Variants in ZNF285 observed in about 807,000 individuals in gnomAD.
ZNF285 encodes zinc finger protein 285.
In ZNF285, 4 loss-of-function variants were observed where a neutral mutation model predicts 6.2. The observed-to-expected ratio is 0.65, with a 90% CI of 0.32 to 1.49. The LOEUF is 1.49. Ranked by LOEUF, ZNF285 falls within the 40% of genes most tolerant of loss-of-function variation. ZNF285 has a pLI of 0.07. For synonymous variants in ZNF285, 240 were observed against 245.8 expected, an observed-to-expected ratio of 0.98 and a Z score of 0.22; for missense variants, 695 against 708.8, an observed-to-expected ratio of 0.98 and a Z score of 0.22.
chr19:44,387,223 T>C lies in ZNF285; in HGVS notation c.1022A>G (p.Glu341Gly). The C allele has an allele frequency of 6.2e-7, 1 of 1,614,142 alleles. No individual in the cohort carries two copies. Among genetic ancestry groups the C allele is most frequent in the East Asian group, 2.2e-5 (1 of 44,878 alleles). Residue 341 changes from glutamate to glycine, a missense_variant, in exon 4 of 4, where the codon GAG (glutamate) becomes GGG (glycine). Glu to Gly is a moderately conservative substitution (Grantham distance 98). Transcript: ENST00000614994. ...ACATTCATCGCATTTGTAGGGCATC[T>C]CCCCTGTGTGGACTCGATGATGGTT... is the stretch of plus-strand genomic sequence containing the variant. ...LHNHHRVHTG[E>G]MPYKCDECGK...
Position 44,386,891 on chromosome 19 carries a change from C to T in ZNF285, c.1354G>A (p.Gly452Arg). The T allele has an allele frequency of 1.2e-6, 2 of 1,614,104 alleles. No homozygotes were observed. Among genetic ancestry groups the T allele is most frequent in the Middle Eastern group, 1.6e-4 (1 of 6,062 alleles). The change falls in exon 4 of 4, where the codon GGG becomes AGG. Residue 452 changes from glycine (G) to arginine (R), a missense_variant. Gly to Arg is a moderately radical substitution (Grantham distance 125, BLOSUM62 -2). Coordinates refer to ENST00000614994, the MANE Select transcript of ZNF285 (RefSeq NM_152354.6). ...ACATTGCATTTGTATGGTTTCTCCC[C>T]TGTGTGGACTCTCTGGTGAATGTGA... is the stretch of plus-strand genomic sequence containing the variant. ...HLHIHQRVHT[G>R]EKPYKCNVCG... is the part of the protein sequence containing the mutation.
chr19:44,386,161 A>G lies in ZNF285; in HGVS notation c.*311T>C. 3.8e-6 allele frequency: 1 copy of G among 261,742 alleles called. No homozygotes were observed. The highest frequency in any genetic ancestry group is 7.3e-6 in the Non-Finnish European group (1 of 136,816). 16.2% of individuals were successfully genotyped at this position (261,742 alleles called of 1,614,324 possible). The stretch of plus-strand genomic sequence containing the variant: ...CTGAAGACCTTACCATGATCATCCC[A>G]ATTAGAATTTCCTTCCTGGACACAC... On this transcript the variant is annotated 3_prime_UTR_variant, in exon 4 of 4. Coordinates refer to ENST00000614994, the MANE Select transcript of ZNF285 (RefSeq NM_152354.6).
Position 44,390,903 on chromosome 19 carries a change from C to T in ZNF285, c.142+1437G>A, listed in dbSNP as rs548486126. Among the ~76,000 whole-genome samples, 5 of 152,078 alleles carry T rather than the reference C, an allele frequency of 3.3e-5. No homozygotes were observed. The South Asian group carries it at 1.0e-3, about 32-fold the overall frequency. On this transcript the variant is annotated intron_variant, in intron 3 of 3. Transcript: ENST00000614994. ...GGGCACGGTGGCTTGCACCTGTAAT[C>T]CCAGCACTTTGGGAGGCTGAGGCGG...
chr19:44,390,833 G>A (rs1226376550), intron 3 of ZNF285, among the ~76,000 whole-genome samples: 6 of 152,020 alleles, frequency 3.9e-5, no homozygotes, highest in Admixed American at 3.3e-4. Context: ...GATAGTGAAT[G>A]AGTCTCATGA....
intron 3 of ZNF285, among the ~76,000 whole-genome samples, chr19:44,391,633 A>G (rs1223015181): frequency 6.6e-6 from 1 of 151,936 alleles, no homozygotes; most frequent in Non-Finnish European, 1.5e-5. Flanking sequence ...ACAGCATGAG[A>G]AAGACCCCTG....
intron 3 of ZNF285, chr19:44,392,068 G>A (rs1971205031): frequency 1.2e-6 from 1 of 834,906 alleles, no homozygotes; most frequent in Non-Finnish European, 1.6e-6. Context: ...GAGCCTAAAT[G>A]TGTGAGTAGG....
rs1333791321 is a variant in ZNF285, at chr19:44,387,139, T to C, written c.1106A>G (p.Lys369Arg). ...ACACTCTTCACATTTATAGGGCTTTTTCCCTGTGTGTACTCCCTGATGAAT... is the reference window on the plus strand; with the variant it reads ...ACACTCTTCACATTTATAGGGCTTTCTCCCTGTGTGTACTCCCTGATGAAT... Reference protein sequence around the residue: ...LCIHQGVHTGKKPYKCEECGK... With the variant: ...LCIHQGVHTGRKPYKCEECGK... The change falls in exon 4 of 4, where the codon AAA becomes AGA. Residue 369 changes from lysine to arginine, a missense_variant. By Grantham distance (26) the Lys-to-Arg change is conservative. Coordinates refer to ENST00000614994, the MANE Select transcript of ZNF285 (RefSeq NM_152354.6). The C allele has an allele frequency of 1.2e-6, 2 of 1,614,138 alleles. No individual in the cohort carries two copies. Among genetic ancestry groups the C allele is most frequent in the African/African-American group, 1.3e-5 (1 of 75,038 alleles).
At position 44,384,036 on chromosome 19, in the gene ZNF285, C is replaced by T. The variant is rs545715573; in HGVS notation, c.*2436G>A. 6.6e-6 allele frequency: 1 copy of T among 152,190 alleles called. No homozygotes were observed. Among genetic ancestry groups the T allele is most frequent in the Non-Finnish European group, 1.5e-5 (1 of 68,040 alleles). 9.4% of individuals were successfully genotyped at this position (152,190 alleles called of 1,614,324 possible). A position where few individuals can be genotyped will look rare whatever the true frequency, so the allele number is the denominator to read the frequency against. On this transcript the variant is annotated 3_prime_UTR_variant, in exon 4 of 4. Coordinates refer to ENST00000614994, the MANE Select transcript of ZNF285 (RefSeq NM_152354.6). ...GAAGGAATGTTGCACCCATTCTAAA[C>T]CCCAAAAGCTTCCTAGGATAATGTG...
At chr19:44,393,735 G>A (rs1971235001) in intron 2 of ZNF285, among the ~76,000 whole-genome samples, 1 of 152,088 alleles carries the variant, frequency 6.6e-6, no homozygotes. Context: ...AGTTAGAATG[G>A]CGATCATTAA....
rs1329846412 is a variant in ZNF285 at position 44,386,391 on chromosome 19, C to G, written c.*81G>C. On this transcript the variant is annotated 3_prime_UTR_variant, in exon 4 of 4. Transcript: ENST00000614994. ...GTCCCTGTCTTTTGCTCCCCTAGCC[C>G]TCCCACAGGCTGAGTAAGCCTCTAT... is the stretch of plus-strand genomic sequence containing the variant. 1.4e-5 allele frequency: 20 copies of G among 1,463,368 alleles called. No homozygotes were observed. The highest frequency in any genetic ancestry group is 1.8e-5 in the Non-Finnish European group (20 of 1,087,864). The allele number at this position is 1,463,368 out of a possible 1,614,324, so 90.6% of individuals were successfully genotyped here.
intron 3 of ZNF285, among the ~76,000 whole-genome samples, chr19:44,388,407 C>A (rs888863999): frequency 2.0e-5 from 3 of 151,072 alleles, no homozygotes; most frequent in Admixed American, 6.6e-5. Context: ...TAATGAGATT[C>A]CCATCTCTAC....
chr19:44,395,645 T>C lies in ZNF285; in HGVS notation c.15+1554A>G, dbSNP rs565983441. Among the ~76,000 whole-genome samples, 5 of 152,254 alleles carry C rather than the reference T, an allele frequency of 3.3e-5. No homozygotes were observed. The East Asian group carries it at 9.6e-4, about 29-fold the overall frequency. On this transcript the variant is annotated intron_variant, in intron 2 of 3. Transcript: ENST00000614994. ...TATATACTGAAATACACAGAGAGTGTGGTAAGTTAGACTGCTGTTTAGAAA... is the reference window on the plus strand; with the variant it reads ...TATATACTGAAATACACAGAGAGTGCGGTAAGTTAGACTGCTGTTTAGAAA...
rs1421034303 is a variant in ZNF285, at chr19:44,383,001, A to C, written c.*3471T>G. ...GGAACTCCCAGAATTACCTTTGGAC[A>C]ATTCTGGTCATTGCACACAATTGTT... On this transcript the variant is annotated 3_prime_UTR_variant, in exon 4 of 4. Transcript: ENST00000614994. 1 of 152,178 alleles carries C rather than the reference A, an allele frequency of 6.6e-6. No individual in the cohort carries two copies. The highest frequency in any genetic ancestry group is 1.9e-4 in the East Asian group (1 of 5,186). The allele number at this position is 152,178 out of a possible 1,614,324, so 9.4% of individuals were successfully genotyped here. A position where few individuals can be genotyped will look rare whatever the true frequency, so the allele number is the denominator to read the frequency against.
At chr19:44,389,762 A>C (rs1382866226) in intron 3 of ZNF285, among the ~76,000 whole-genome samples, 1 of 152,138 alleles carries the variant, frequency 6.6e-6, no homozygotes, top group Non-Finnish European at 1.5e-5. Context: ...GCTAGTTATG[A>C]CACAGTAATT....
intron 3 of ZNF285, among the ~76,000 whole-genome samples, chr19:44,388,882 T>C (rs1971145292): frequency 6.8e-6 from 1 of 146,216 alleles, no homozygotes; most frequent in Non-Finnish European, 1.5e-5. Flanking sequence ...ATCACGTATG[T>C]TTGTGTACAA....
At chr19:44,399,990 A>G (rs912602269) in intron 1 of ZNF285, among the ~76,000 whole-genome samples, 39 of 150,598 alleles carry the variant, frequency 2.6e-4, no homozygotes, top group African/African-American at 9.4e-4. Flanking sequence ...CAGAGAGAGA[A>G]CTGGGGGACA....
chr19:44,394,405 G>GTA (rs1473839104), intron 2 of ZNF285: 2 of 406,216 alleles, frequency 4.9e-6, no homozygotes, highest in African/African-American at 6.0e-5. Flanking sequence ...AAAACTTAAA[G>GTA]TATAATAAAA....
rs1250918527 is a variant in ZNF285 at position 44,387,043 on chromosome 19, T to G, written c.1202A>C (p.Lys401Thr). 6 of 1,614,116 alleles carry G rather than the reference T, an allele frequency of 3.7e-6. No homozygotes were observed. Among genetic ancestry groups the G allele is most frequent in the Non-Finnish European group, 5.1e-6 (6 of 1,180,002 alleles). Residue 401 changes from lysine (K) to threonine (T), a missense_variant, in exon 4 of 4, where the codon AAA becomes ACA. Coordinates refer to ENST00000614994, the MANE Select transcript of ZNF285 (RefSeq NM_152354.6). ...QRVHTGEKPY[K>T]CSECGKCFSS... is the part of the protein sequence containing the mutation. ...AAAGCACTTGCCACACTCACTGCAT[T>G]TGTAGGGCTTCTCTCCAGTGTGGAC... is the stretch of plus-strand genomic sequence containing the variant.
At chr19:44,400,440 T>C (rs971828865) in intron 1 of ZNF285, among the ~76,000 whole-genome samples, 23 of 151,962 alleles carry the variant, frequency 1.5e-4, no homozygotes, top group African/African-American at 5.3e-4. Context: ...ATACAGAGAG[T>C]GTTCAAACTT....
Sources: gnomAD v4.1 joint callset for allele counts (sites outside exome capture counted in the v4.1 genomes callset) on GRCh38, gnomAD v4.1.1 for gene constraint, MANE v1.5 for transcripts, NCBI Gene and HGNC (gene_info 2026-07-23, HGNC 2026-07-21) for gene names.